MYEOV: variants seen among roughly 807,000 people sequenced by gnomAD.
The protein encoded by MYEOV is myeloma-overexpressed gene protein.
In MYEOV, 4 loss-of-function variants were observed where a neutral mutation model predicts 4.5. That is an observed-to-expected ratio of 0.89 (90% confidence interval 0.44 to 2.03). MYEOV has a LOEUF of 2.03. Ranked by LOEUF, MYEOV falls within the 30% of genes most tolerant of loss-of-function variation. The pLI is 0.03. For missense variants in MYEOV, 408 were observed against 412.8 expected (o/e 0.99, Z 0.10); for synonymous variants, 184 against 170.3 (o/e 1.08, Z -0.63).
rs1361803919 is a variant in MYEOV at position 69,295,282 on chromosome 11, G to A, written c.-73G>A. 2.3e-5 allele frequency: 35 copies of A among 1,526,354 alleles called. No homozygotes were observed. The highest frequency in any genetic ancestry group is 5.0e-5 in the South Asian group (4 of 79,874). 94.6% of individuals were successfully genotyped at this position (1,526,354 alleles called of 1,614,324 possible). ...CATCTCAGACCCTAAATCCAGCCACGTCATGCCACGCTTAACACCTCTAAC... is the reference window on the plus strand; with the variant it reads ...CATCTCAGACCCTAAATCCAGCCACATCATGCCACGCTTAACACCTCTAAC... On this transcript the variant is annotated 5_prime_UTR_variant, in exon 2 of 3. Transcript: ENST00000441339. This position sits in a 1 kb window ranked among gnomAD's most constrained non-coding sequence, Gnocchi z 4.1.
In MYEOV at chr11:69,296,268, G is replaced by C; in HGVS notation, c.818G>C (p.Arg273Pro). ...VVTVEALGGW[R>P]MGVRRTGQVG... ...ACTGTTGAGGCCCTGGGGGGGTGGC[G>C]CATGGGAGTTAGGAGGACTGGCCAG... Residue 273 changes from arginine (R) to proline (P), a missense_variant, in exon 3 of 3, where the codon CGC becomes CCC. Transcript: ENST00000441339. 1.3e-6 allele frequency: 2 copies of C among 1,579,622 alleles called. No individual in the cohort carries two copies. The highest frequency in any genetic ancestry group is 1.7e-6 in the Non-Finnish European group (2 of 1,160,600).
chr11:69,294,248 A>C lies in MYEOV; in HGVS notation c.-451A>C, dbSNP rs986519366. 3.9e-5 allele frequency: 6 copies of C among 152,390 alleles called. No homozygotes were observed. Among genetic ancestry groups the C allele is most frequent in the African/African-American group, 1.4e-4 (6 of 41,468 alleles). The allele number at this position is 152,390 out of a possible 1,614,324, so 9.4% of individuals were successfully genotyped here. A position where few individuals can be genotyped will look rare whatever the true frequency, so the allele number is the denominator to read the frequency against. ...GGAATCAGCCCAAAGCCAGGCGTCC[A>C]GGGTCTCCCTCACCTGAAGCTGACT... is the stretch of plus-strand genomic sequence containing the variant. On this transcript the variant is annotated 5_prime_UTR_variant, in exon 1 of 3. Transcript: ENST00000441339.
At position 69,296,315 on chromosome 11, in the gene MYEOV, C is replaced by A. The variant is rs903994457; in HGVS notation, c.865C>A (p.Pro289Thr). The A allele has an allele frequency of 2.6e-6, 4 of 1,522,640 alleles. No homozygotes were observed. Among genetic ancestry groups the A allele is most frequent in the Non-Finnish European group, 3.5e-6 (4 of 1,135,190 alleles). 94.3% of individuals were successfully genotyped at this position (1,522,640 alleles called of 1,614,324 possible). The change falls in exon 3 of 3, where the codon CCC becomes ACC. Residue 289 changes from proline to threonine, a missense_variant. By Grantham distance (38) the Pro-to-Thr change is conservative (BLOSUM62 -1). Coordinates refer to ENST00000441339, the MANE Select transcript of MYEOV (RefSeq NM_001293291.2). ...CCAGGTGGGGCCCACTATGCACCCA[C>A]CCCCAGTGTCAGGTGCTTCTCCTCT... ...TGQVGPTMHP[P>T]PVSGASPLLL...
At position 69,295,563 on chromosome 11, in the gene MYEOV, G is replaced by A; in HGVS notation, c.142-29G>A. On this transcript the variant is annotated intron_variant, in intron 2 of 2. Coordinates refer to ENST00000441339, the MANE Select transcript of MYEOV (RefSeq NM_001293291.2). The surrounding 1 kb of genome is among the most constrained non-coding windows in gnomAD (Gnocchi z 4.1). ...GGGTGAATGCCACCTGCTGATGTCT[G>A]ATTTATTCATCGGTTTTCTTGTCTG... The A allele has an allele frequency of 1.9e-6, 3 of 1,612,248 alleles. No homozygotes were observed. Among genetic ancestry groups the A allele is most frequent in the Non-Finnish European group, 2.5e-6 (3 of 1,178,906 alleles).
Position 69,295,729 on chromosome 11 carries a change from A to G in MYEOV, c.279A>G (p.Ala93=). 8.1e-6 allele frequency: 13 copies of G among 1,613,974 alleles called. No individual in the cohort carries two copies. The highest frequency in any genetic ancestry group is 1.1e-5 in the Non-Finnish European group (13 of 1,179,998). Residue 93 remains alanine, a synonymous_variant, in exon 3 of 3, where the codon GCA becomes GCG. Transcript: ENST00000441339. The surrounding 1 kb of genome is among the most constrained non-coding windows in gnomAD (Gnocchi z 4.1). ...SQALRVAVRG[A]FVSLWFAAGA... ...CCCTGCGTGTTGCGGTGAGAGGAGC[A>G]TTTGTGTCTCTGTGGTTTGCTGCTG...
chr11:69,295,883 T>C lies in MYEOV; in HGVS notation c.433T>C (p.Cys145Arg). 4 of 1,614,058 alleles carry C rather than the reference T, an allele frequency of 2.5e-6. No homozygotes were observed. Among genetic ancestry groups the C allele is most frequent in the African/African-American group, 1.3e-5 (1 of 74,982 alleles). Residue 145 changes from cysteine to arginine, a missense_variant, in exon 3 of 3, where the codon TGT becomes CGT. Transcript: ENST00000441339. The surrounding 1 kb of genome is among the most constrained non-coding windows in gnomAD (Gnocchi z 4.1). ...RVTDAPQGTL[C>R]GTGNRNSGSQ... ...CACAGATGCACCACAAGGCACTCTG[T>C]GTGGCACTGGGAACAGGAATTCTGG...
In MYEOV at chr11:69,296,369, CTCA is replaced by C. The variant is rs1196029551; in HGVS notation, c.928_930del (p.Ile310del). ...CCTCCACCACCTCCTCCTCCTCCTC[CTCA>C]TCATCATCCTCACTTGTTGAGGACG... On this transcript the variant is annotated inframe_deletion, in exon 3 of 3. Coordinates refer to ENST00000441339, the MANE Select transcript of MYEOV (RefSeq NM_001293291.2). 1 of 1,424,458 alleles carries C rather than the reference CTCA, an allele frequency of 7.0e-7. No individual in the cohort carries two copies. 88.2% of individuals were successfully genotyped at this position (1,424,458 alleles called of 1,614,324 possible). A position where few individuals can be genotyped will look rare whatever the true frequency, so the allele number is the denominator to read the frequency against.
chr11:69,296,293 G>A lies in MYEOV; in HGVS notation c.843G>A (p.Gln281=), dbSNP rs777241343. Residue 281 remains glutamine (Q), a synonymous_variant, in exon 3 of 3, where the codon CAG becomes CAA. Transcript: ENST00000441339. ...GWRMGVRRTG[Q]VGPTMHPPPV... ...GCATGGGAGTTAGGAGGACTGGCCA[G>A]GTGGGGCCCACTATGCACCCACCCC... The A allele has an allele frequency of 6.4e-7, 1 of 1,552,772 alleles. No individual in the cohort carries two copies. The highest frequency in any genetic ancestry group is 8.7e-7 in the Non-Finnish European group (1 of 1,147,336).
Position 69,295,398 on chromosome 11 carries a change from T to A in MYEOV, c.44T>A (p.Ile15Lys). 6.2e-7 allele frequency: 1 copy of A among 1,613,644 alleles called. No individual in the cohort carries two copies. Among genetic ancestry groups the A allele is most frequent in the Non-Finnish European group, 8.5e-7 (1 of 1,179,654 alleles). ...ICVTYTPALP[I>K]GLCTRCCLCL... Reference sequence around the variant, plus strand: ...GTCACATACACCCCAGCTCTCCCGATAGGTCTCTGCACTCGCTGTTGCCTC... The same window carrying A: ...GTCACATACACCCCAGCTCTCCCGAAAGGTCTCTGCACTCGCTGTTGCCTC... Residue 15 changes from isoleucine to lysine, a missense_variant, in exon 2 of 3, where the codon ATA (isoleucine) becomes AAA (lysine). Physicochemically the swap from Ile to Lys is moderately radical, Grantham distance 102. Transcript: ENST00000441339. The surrounding 1 kb of genome is among the most constrained non-coding windows in gnomAD (Gnocchi z 4.1).
In MYEOV at chr11:69,296,320, A is replaced by C; in HGVS notation, c.870A>C (p.Pro290=). 1 of 1,519,372 alleles carries C rather than the reference A, an allele frequency of 6.6e-7. No homozygotes were observed. Among genetic ancestry groups the C allele is most frequent in the South Asian group, 1.3e-5 (1 of 75,720 alleles). The allele number at this position is 1,519,372 out of a possible 1,614,324, so 94.1% of individuals were successfully genotyped here. The change falls in exon 3 of 3, where the codon CCA becomes CCC. Residue 290 remains proline (P), a synonymous_variant. Coordinates refer to ENST00000441339, the MANE Select transcript of MYEOV (RefSeq NM_001293291.2). ...GQVGPTMHPP[P]VSGASPLLLH... Reference sequence around the variant, plus strand: ...TGGGGCCCACTATGCACCCACCCCCAGTGTCAGGTGCTTCTCCTCTCCTCC... The same window carrying C: ...TGGGGCCCACTATGCACCCACCCCCCGTGTCAGGTGCTTCTCCTCTCCTCC...
Position 69,296,088 on chromosome 11 carries a change from G to A in MYEOV, c.638G>A (p.Gly213Asp), listed in dbSNP as rs1855184969. 6.2e-7 allele frequency: 1 copy of A among 1,614,184 alleles called. No individual in the cohort carries two copies. Among genetic ancestry groups the A allele is most frequent in the Non-Finnish European group, 8.5e-7 (1 of 1,180,040 alleles). Residue 213 changes from glycine (G) to aspartate (D), a missense_variant, in exon 3 of 3, where the codon GGT (glycine) becomes GAT (aspartate). By Grantham distance (94) the Gly-to-Asp change is moderately conservative. Coordinates refer to ENST00000441339, the MANE Select transcript of MYEOV (RefSeq NM_001293291.2). ...LRSPGRGLLA[G>D]AGALCMTLAE... Reference sequence around the variant, plus strand: ...TCACCTGGGCGAGGACTTCTGGCCGGTGCCGGGGCACTCTGCATGACCCTG... The same window carrying A: ...TCACCTGGGCGAGGACTTCTGGCCGATGCCGGGGCACTCTGCATGACCCTG...
Position 69,296,476 on chromosome 11 carries a change from C to G in MYEOV, c.*84C>G. 1 of 923,300 alleles carries G rather than the reference C, an allele frequency of 1.1e-6. No individual in the cohort carries two copies. The highest frequency in any genetic ancestry group is 1.6e-6 in the Non-Finnish European group (1 of 639,720). 57.2% of individuals were successfully genotyped at this position (923,300 alleles called of 1,614,324 possible). ...TCCATGAGGTAGCTACTAAAACCCC[C>G]CACTTAACAGATGAGGAAACTGAGG... On this transcript the variant is annotated 3_prime_UTR_variant, in exon 3 of 3. Coordinates refer to ENST00000441339, the MANE Select transcript of MYEOV (RefSeq NM_001293291.2).
rs1855212540 is a variant in MYEOV at position 69,296,766 on chromosome 11, C to T, written c.*374C>T. On this transcript the variant is annotated 3_prime_UTR_variant, in exon 3 of 3. Coordinates refer to ENST00000441339, the MANE Select transcript of MYEOV (RefSeq NM_001293291.2). Reference sequence around the variant, plus strand: ...AGCCGACTGGGGCATTGGTGGTAGCCCCTGGAGACATTGTGCAATGGGGCT... The same window carrying T: ...AGCCGACTGGGGCATTGGTGGTAGCTCCTGGAGACATTGTGCAATGGGGCT... The T allele has an allele frequency of 9.4e-6, 2 of 212,932 alleles. No individual in the cohort carries two copies. The highest frequency in any genetic ancestry group is 1.0e-4 in the Admixed American group (2 of 19,516). 13.2% of individuals were successfully genotyped at this position (212,932 alleles called of 1,614,324 possible).
rs947878081 is a variant in MYEOV, at chr11:69,297,035, A to C, written c.*643A>C. On this transcript the variant is annotated 3_prime_UTR_variant, in exon 3 of 3. Coordinates refer to ENST00000441339, the MANE Select transcript of MYEOV (RefSeq NM_001293291.2). ...GTCAGAATGTAAGGTTCTTATTGGAACCCAGGCTCCAGGGTCCCTGGTTTT... is the reference window on the plus strand; with the variant it reads ...GTCAGAATGTAAGGTTCTTATTGGACCCCAGGCTCCAGGGTCCCTGGTTTT... The C allele has an allele frequency of 6.6e-6, 1 of 152,030 alleles. No homozygotes were observed. Among genetic ancestry groups the C allele is most frequent in the African/African-American group, 2.4e-5 (1 of 41,374 alleles). The allele number at this position is 152,030 out of a possible 1,614,324, so 9.4% of individuals were successfully genotyped here. A position where few individuals can be genotyped will look rare whatever the true frequency, so the allele number is the denominator to read the frequency against.
intron 1 of MYEOV, among the ~76,000 whole-genome samples, chr11:69,294,779 G>A (rs1186447951): frequency 6.6e-6 from 1 of 152,148 alleles, no homozygotes; most frequent in African/African-American, 2.4e-5. Context: ...GAGTGACCAA[G>A]CCTCTGCTGA....
rs752728278 is a variant in MYEOV, at chr11:69,295,844, C to T, written c.394C>T (p.Arg132Trp). The T allele has an allele frequency of 8.2e-5, 132 of 1,614,120 alleles. No individual in the cohort carries two copies. Among genetic ancestry groups the T allele is most frequent in the Middle Eastern group, 4.9e-4 (3 of 6,062 alleles). Reference protein sequence around the residue: ...SQEAEDVDVSRARRVTDAPQG... With the variant: ...SQEAEDVDVSWARRVTDAPQG... ...GGAGGCAGAAGACGTGGACGTGTCC[C>T]GGGCCAGGAGGGTCACAGATGCACC... The change falls in exon 3 of 3, where the codon CGG becomes TGG. Residue 132 changes from arginine (R) to tryptophan (W), a missense_variant. Physicochemically the swap from Arg to Trp is moderately radical, Grantham distance 101 (BLOSUM62 -3). Transcript: ENST00000441339. This position sits in a 1 kb window ranked among gnomAD's most constrained non-coding sequence, Gnocchi z 4.1.
In MYEOV at chr11:69,296,382, T is replaced by G; in HGVS notation, c.932T>G (p.Leu311Arg). ...HLLLLLLIII[L>R]TC ...CTCCTCCTCCTCCTCATCATCATCC[T>G]CACTTGTTGAGGACGTCCTGTGTGC... Residue 311 changes from leucine (L) to arginine (R), a missense_variant, in exon 3 of 3, where the codon CTC (leucine) becomes CGC (arginine). Coordinates refer to ENST00000441339, the MANE Select transcript of MYEOV (RefSeq NM_001293291.2). 2.7e-6 allele frequency: 4 copies of G among 1,460,962 alleles called. No individual in the cohort carries two copies. The highest frequency in any genetic ancestry group is 3.6e-6 in the Non-Finnish European group (4 of 1,101,362). The allele number at this position is 1,460,962 out of a possible 1,614,324, so 90.5% of individuals were successfully genotyped here.
In MYEOV at chr11:69,295,734, T is replaced by C. The variant is rs769066266; in HGVS notation, c.284T>C (p.Val95Ala). The stretch of plus-strand genomic sequence containing the variant: ...CGTGTTGCGGTGAGAGGAGCATTTG[T>C]GTCTCTGTGGTTTGCTGCTGGAGCT... ...ALRVAVRGAF[V>A]SLWFAAGAGD... Residue 95 changes from valine (V) to alanine (A), a missense_variant, in exon 3 of 3, where the codon GTG (valine) becomes GCG (alanine). Coordinates refer to ENST00000441339, the MANE Select transcript of MYEOV (RefSeq NM_001293291.2). The surrounding 1 kb of genome is among the most constrained non-coding windows in gnomAD (Gnocchi z 4.1). 14 of 1,614,014 alleles carry C rather than the reference T, an allele frequency of 8.7e-6. No individual in the cohort carries two copies. Among genetic ancestry groups the C allele is most frequent in the Middle Eastern group, 1.6e-4 (1 of 6,084 alleles).
Position 69,296,429 on chromosome 11 carries a change from C to G in MYEOV, c.*37C>G. The G allele has an allele frequency of 7.8e-7, 1 of 1,281,046 alleles. No individual in the cohort carries two copies. Among genetic ancestry groups the G allele is most frequent in the South Asian group, 1.6e-5 (1 of 63,776 alleles). 79.4% of individuals were successfully genotyped at this position (1,281,046 alleles called of 1,614,324 possible). On this transcript the variant is annotated 3_prime_UTR_variant, in exon 3 of 3. Transcript: ENST00000441339. The stretch of plus-strand genomic sequence containing the variant: ...GTGCCAAGTGGTTTATATGCCCAGC[C>G]TCATTTAATCCTCAGAATGACTCCA...
Sources: allele counts gnomAD v4.1 joint callset (sites outside exome capture counted in the v4.1 genomes callset), GRCh38; gene constraint gnomAD v4.1.1; non-coding constraint Gnocchi (gnomAD v3.1); transcripts MANE v1.5; gene names NCBI Gene and HGNC (gene_info 2026-07-23, HGNC 2026-07-21).